Variants in PSCA observed in about 807,000 individuals in gnomAD.
PSCA encodes prostate stem cell antigen.
In PSCA, 7 loss-of-function variants were observed where a neutral mutation model predicts 7.9. That is an observed-to-expected ratio of 0.89 (90% CI 0.51 to 1.67). PSCA has a LOEUF of 1.67. PSCA is among the 40% of genes most tolerant of loss of function. The pLI, the probability that PSCA is intolerant of heterozygous loss-of-function variation, is 0.00. For synonymous variants in PSCA, 61 were observed against 68.3 expected (o/e 0.89, Z 0.53); for missense variants, 151 against 147.9 (o/e 1.02, Z -0.11).
rs1368554031 is a variant in PSCA, at chr8:142,673,785, T to C, written n.261+3217T>C. 6.6e-6 allele frequency among the ~76,000 whole-genome samples: 1 copy of C among 152,222 alleles called. No individual in the cohort carries two copies. The highest frequency in any genetic ancestry group is 1.9e-4 in the East Asian group (1 of 5,202). ...CCTCGCTAGAGCCATCCATCAGTCA[T>C]TAGACGTGCAAAAACCTGAAACGAC... On this transcript the variant is annotated intron_variant and non_coding_transcript_variant, in intron 1 of 1. Coordinates refer to the PSCA transcript ENST00000505305. The surrounding 1 kb of genome is among the most constrained non-coding windows in gnomAD (Gnocchi z 4.6).
upstream of PSCA, among the ~76,000 whole-genome samples, chr8:142,678,111 C>T (rs146214427): frequency 4.6e-5 from 7 of 152,182 alleles, no homozygotes; most frequent in East Asian, 1.9e-4. Context: ...CCTTCCTGGA[C>T]GGTGCAGGCC....
At position 142,681,349 on chromosome 8, in the gene PSCA, C is replaced by T. The variant is rs1554638290; in HGVS notation, c.48C>T (p.Ser16=). 1 of 1,572,768 alleles carries T rather than the reference C, an allele frequency of 6.4e-7. No homozygotes were observed. Among genetic ancestry groups the T allele is most frequent in the Non-Finnish European group, 8.6e-7 (1 of 1,159,170 alleles). ...LQPGTALLCY[S]CKAQVSNEDC... is the part of the protein sequence containing the mutation. The stretch of plus-strand genomic sequence containing the variant: ...CAGGCACTGCCCTGCTGTGCTACTC[C>T]TGCAAAGCCCAGGTGAGCAACGAGG... The change falls in exon 2 of 3, where the codon TCC becomes TCT. Residue 16 remains serine, a synonymous_variant. Coordinates refer to ENST00000301258, the MANE Select transcript of PSCA (RefSeq NM_005672.5).
chr8:142,676,915 G>A (rs1168976061), upstream of PSCA, among the ~76,000 whole-genome samples: 1 of 152,246 alleles, frequency 6.6e-6, no homozygotes, highest in African/African-American at 2.4e-5. Context: ...AAGGAGAACT[G>A]CCAGAAGATC....
At chr8:142,681,531 C>G (rs926292460) in intron 2 of PSCA, 97 bp downstream of exon 2, 54 of 1,138,420 alleles carry the variant, frequency 4.7e-5, no homozygotes, top group Non-Finnish European at 5.5e-5. Context: ...GTTTTCCTTC[C>G]ACCTGTCCCC....
upstream of PSCA, among the ~76,000 whole-genome samples, chr8:142,679,540 G>A (rs1554638102): frequency 6.6e-6 from 1 of 152,246 alleles, no homozygotes; most frequent in Non-Finnish European, 1.5e-5. Context: ...TCAGTGCACA[G>A]CTTGATGGTA....
At chr8:142,678,289 G>A (rs80037252), upstream of PSCA, among the ~76,000 whole-genome samples, 223 of 152,314 alleles carry the variant, frequency 1.5e-3, no homozygotes, top group African/African-American at 5.0e-3. Flanking sequence ...ACGAGAGAGC[G>A]TCAGGGGAGA....
chr8:142,681,377 T>A lies in PSCA; in HGVS notation c.76T>A (p.Cys26Ser). The change falls in exon 2 of 3, where the codon TGC becomes AGC. Residue 26 changes from cysteine (C) to serine (S), a missense_variant. Transcript: ENST00000301258. The stretch of plus-strand genomic sequence containing the variant: ...CAAAGCCCAGGTGAGCAACGAGGAC[T>A]GCCTGCAGGTGGAGAACTGCACCCA... ...SCKAQVSNEDCLQVENCTQLG... is the reference protein window; with the variant it reads ...SCKAQVSNEDSLQVENCTQLG... The A allele has an allele frequency of 6.3e-7, 1 of 1,590,156 alleles. No individual in the cohort carries two copies. Among genetic ancestry groups the A allele is most frequent in the Admixed American group, 1.8e-5 (1 of 56,834 alleles).
chr8:142,676,724 CT>C (rs1399580610), upstream of PSCA: 4 of 152,340 alleles, frequency 2.6e-5, no homozygotes, highest in Admixed American at 2.6e-4. Flanking sequence ...ATTTTGACCC[CT>C]GGCAAGATAC....
upstream of PSCA, among the ~76,000 whole-genome samples, chr8:142,678,117 A>G (rs1482660773): frequency 6.6e-6 from 1 of 152,106 alleles, no homozygotes; most frequent in African/African-American, 2.4e-5. Context: ...TGGACGGTGC[A>G]GGCCTTCCTG....
At position 142,681,197 on chromosome 8, in the gene PSCA, A is replaced by G. The variant is rs1587547300; in HGVS notation, c.26-130A>G. On this transcript the variant is annotated intron_variant, in intron 1 of 2. Transcript: ENST00000301258. ...GGGGCCGTGAAGATGGGGAGGAGAC[A>G]TTGAGGGTGACAAGAGGGCGCCGAG... The G allele has an allele frequency of 1.1e-5, 7 of 646,462 alleles. No homozygotes were observed. In the East Asian group the frequency reaches 1.6e-4, roughly 15 times the overall value. The allele number at this position is 646,462 out of a possible 1,614,324, so 40.0% of individuals were successfully genotyped here.
chr8:142,678,280 C>T (rs1354809450), upstream of PSCA, among the ~76,000 whole-genome samples: 17 of 152,234 alleles, frequency 1.1e-4, no homozygotes, highest in East Asian at 1.7e-3. Flanking sequence ...TCAGCGGGGA[C>T]GAGAGAGCGT....
Position 142,674,234 on chromosome 8 carries a change from G to A in PSCA, n.261+3666G>A, listed in dbSNP as rs587642761. Among the ~76,000 whole-genome samples the A allele has an allele frequency of 7.2e-5, 10 of 138,836 alleles. No individual in the cohort carries two copies. The East Asian group carries it at 1.1e-3, about 16-fold the overall frequency. 91.1% of individuals were successfully genotyped at this position (138,836 alleles called of 152,430 possible). ...TCCTAATGAATAACGGCTGGGAATCGTTTCAGTCTAACCTCAGCAGAGCTC... is the reference window on the plus strand; with the variant it reads ...TCCTAATGAATAACGGCTGGGAATCATTTCAGTCTAACCTCAGCAGAGCTC... On this transcript the variant is annotated intron_variant and non_coding_transcript_variant, in intron 1 of 1. Coordinates refer to the PSCA transcript ENST00000505305.
upstream of PSCA, among the ~76,000 whole-genome samples, chr8:142,675,622 G>T (rs1228037651): frequency 6.6e-6 from 1 of 152,178 alleles, no homozygotes; most frequent in Non-Finnish European, 1.5e-5. Context: ...CCACACATTT[G>T]CACATTTGAT....
upstream of PSCA, among the ~76,000 whole-genome samples, chr8:142,675,470 G>GC: frequency 6.6e-6 from 1 of 152,320 alleles, no homozygotes; most frequent in Admixed American, 6.5e-5. Flanking sequence ...GTGGGCTTGG[G>GC]GAAGAACGCC....
At chr8:142,680,816 G>T (rs1317077035) in intron 1 of PSCA, 30 of 587,664 alleles carry the variant, frequency 5.1e-5, no homozygotes, top group Non-Finnish European at 8.5e-5. Flanking sequence ...CCACCGTGGG[G>T]CAGGGCCTGG....
intron 1 of PSCA, 163 bp from the exon 2 acceptor site, chr8:142,681,164 C>T (rs1053540727): frequency 1.2e-5 from 7 of 591,870 alleles, no homozygotes; most frequent in Admixed American, 3.0e-5. Context: ...TTCGGAGGCA[C>T]TGAGCAGGGG....
At position 142,681,306 on chromosome 8, in the gene PSCA, C is replaced by G. The variant is rs2976391; in HGVS notation, c.26-21C>G. The G allele has an allele frequency of 5.1e-5, 78 of 1,540,238 alleles. No homozygotes were observed. In the East Asian group the frequency reaches 1.8e-3, roughly 36 times the overall value. ...AGTGCTATGGGGCAGCCTCTGAGGC[C>G]CCTCCCACTCCACCCCACAGGCACT... On this transcript the variant is annotated intron_variant, in intron 1 of 2. Transcript: ENST00000301258.
At chr8:142,681,202 G>A (rs1814624054) in intron 1 of PSCA, 125 bp from the exon 2 acceptor site, 2 of 655,920 alleles carry the variant, frequency 3.0e-6, no homozygotes, top group South Asian at 3.7e-5. Context: ...GAGACATTGA[G>A]GGTGACAAGA....
At chr8:142,676,943 CAG>C (rs1248539403), upstream of PSCA, among the ~76,000 whole-genome samples, 1 of 152,214 alleles carries the variant, frequency 6.6e-6, no homozygotes, top group Non-Finnish European at 1.5e-5. Context: ...AGTTTAGGCT[CAG>C]GGGCTGCATT....
Sources: allele counts gnomAD v4.1 joint callset (sites outside exome capture counted in the v4.1 genomes callset), GRCh38; gene constraint gnomAD v4.1.1; non-coding constraint Gnocchi (gnomAD v3.1); transcripts MANE v1.5; gene names NCBI Gene and HGNC (gene_info 2026-07-23, HGNC 2026-07-21).